Variants in NRXN3 observed in about 807,000 individuals in gnomAD.
NRXN3 encodes neurexin III.
In NRXN3, 32 loss-of-function variants were observed where a neutral mutation model predicts 137.6. That is an observed-to-expected ratio of 0.23 (90% CI 0.18 to 0.31). NRXN3 has a LOEUF of 0.31. NRXN3 is among the 10% of genes least tolerant of loss of function. The pLI, the probability that NRXN3 is intolerant of heterozygous loss-of-function variation, is 1.00. For missense variants in NRXN3, 1,574 were observed against 2,062.5 expected, an observed-to-expected ratio of 0.76 and a Z score of 4.59; for synonymous variants, 798 against 784.5, an observed-to-expected ratio of 1.02 and a Z score of -0.29.
intron 4 of NRXN3, among the ~76,000 whole-genome samples, chr14:78,304,880 C>T (rs2077207950): frequency 6.6e-6 from 1 of 152,188 alleles, no homozygotes; most frequent in Non-Finnish European, 1.5e-5. Context: ...TCACCAGATG[C>T]TCAAGAAAAG....
chr14:79,400,098 C>G (rs1014542955), intron 15 of NRXN3, among the ~76,000 whole-genome samples: 21 of 152,162 alleles, frequency 1.4e-4, no homozygotes, highest in African/African-American at 5.1e-4. Context: ...CCAATATGAC[C>G]TCATTTAAAC....
At chr14:79,550,921 A>T (rs2097367022) in intron 16 of NRXN3, among the ~76,000 whole-genome samples, 1 of 152,176 alleles carries the variant, frequency 6.6e-6, no homozygotes, top group Non-Finnish European at 1.5e-5. Context: ...GAGCACAAAT[A>T]AGTGGGATGA....
chr14:79,279,030 A>C (rs965745600), intron 15 of NRXN3, among the ~76,000 whole-genome samples: 15 of 152,180 alleles, frequency 9.9e-5, no homozygotes, highest in African/African-American at 3.4e-4. Flanking sequence ...AATTGTGAGA[A>C]GGTGCCTTCA....
At chr14:78,260,670 G>A (rs980593113) in intron 2 of NRXN3, among the ~76,000 whole-genome samples, 6 of 152,112 alleles carry the variant, frequency 3.9e-5, no homozygotes, top group South Asian at 2.1e-4. Context: ...TTTTAAAAAC[G>A]GGAGTTTCCC....
chr14:79,326,572 A>G (rs1277062198), intron 15 of NRXN3, among the ~76,000 whole-genome samples: 1 of 152,206 alleles, frequency 6.6e-6, no homozygotes. Context: ...TTTTCTCAGG[A>G]CATGACACTT....
intron 15 of NRXN3, among the ~76,000 whole-genome samples, chr14:79,320,325 T>C (rs1056183166): frequency 1.3e-5 from 2 of 152,190 alleles, no homozygotes; most frequent in Non-Finnish European, 2.9e-5. Context: ...GTGGTGGACA[T>C]TTTTCTACAG....
At chr14:79,112,833 G>A (rs2053775870) in intron 15 of NRXN3, among the ~76,000 whole-genome samples, 1 of 152,196 alleles carries the variant, frequency 6.6e-6, no homozygotes, top group Non-Finnish European at 1.5e-5. Context: ...TTTTTGATGT[G>A]AAGTGTCATA....
At chr14:78,722,439 C>G (rs917253585) in intron 8 of NRXN3, among the ~76,000 whole-genome samples, 1 of 152,194 alleles carries the variant, frequency 6.6e-6, no homozygotes, top group East Asian at 1.9e-4. Flanking sequence ...TTATGAGAAA[C>G]AAGTGCTTTG....
intron 15 of NRXN3, among the ~76,000 whole-genome samples, chr14:79,407,331 A>G (rs2095333942): frequency 6.6e-6 from 1 of 152,138 alleles, no homozygotes; most frequent in South Asian, 2.1e-4. Flanking sequence ...ATTTTGTGTT[A>G]TTCTTTCTAC....
chr14:79,242,007 C>A (rs973606827), intron 15 of NRXN3, among the ~76,000 whole-genome samples: 1 of 151,840 alleles, frequency 6.6e-6, no homozygotes, highest in Non-Finnish European at 1.5e-5. Context: ...GCAGAGGTTG[C>A]AGTGAGCAGA....
At chr14:79,322,639 G>C (rs1041299693) in intron 15 of NRXN3, among the ~76,000 whole-genome samples, 1 of 152,170 alleles carries the variant, frequency 6.6e-6, no homozygotes, top group Admixed American at 6.5e-5. Flanking sequence ...CCTGATCCTA[G>C]AGTCTATCTT....
intron 15 of NRXN3, among the ~76,000 whole-genome samples, chr14:79,002,181 G>T (rs2099542758): frequency 6.6e-6 from 1 of 152,118 alleles, no homozygotes. Flanking sequence ...GATTTCAAAT[G>T]TAAACATATT....
intron 16 of NRXN3, among the ~76,000 whole-genome samples, chr14:79,614,030 C>T (rs146243484): frequency 2.0e-5 from 3 of 152,184 alleles, no homozygotes; most frequent in African/African-American, 7.2e-5. Context: ...AATAACAATT[C>T]ATGTCCAATT....
chr14:79,623,225 G>T (rs987585571), intron 16 of NRXN3, among the ~76,000 whole-genome samples: 6 of 152,166 alleles, frequency 3.9e-5, no homozygotes, highest in Admixed American at 3.9e-4. Flanking sequence ...TGCAGAGCAG[G>T]TGTGGGCAGA....
In NRXN3 at chr14:78,784,064, G is replaced by GA. The variant is rs11288913; in HGVS notation, c.2045-19539dup. Among the ~76,000 whole-genome samples, 830 of 98,262 alleles carry GA rather than the reference G, an allele frequency of 8.4e-3. 9 individuals carry two copies. The highest frequency in any genetic ancestry group is 0.019 in the Middle Eastern group (3 of 162). 64.5% of individuals were successfully genotyped at this position (98,262 alleles called of 152,430 possible). ...CTAGAAGAAGTCAGATAACACATGA[G>GA]AAAAAAAAAAAAAAAAACAACACCA... is the stretch of plus-strand genomic sequence containing the variant. On this transcript the variant is annotated intron_variant, in intron 8 of 20. Coordinates refer to ENST00000335750, the MANE Select transcript of NRXN3 (RefSeq NM_001330195.2).
At chr14:79,204,184 C>T (rs2066464514) in intron 15 of NRXN3, among the ~76,000 whole-genome samples, 2 of 151,856 alleles carry the variant, frequency 1.3e-5, no homozygotes, top group African/African-American at 4.8e-5. Context: ...ACAAAGAGCT[C>T]CCGTCAGGTG....
intron 10 of NRXN3, among the ~76,000 whole-genome samples, chr14:78,851,928 A>G (rs2099043722): frequency 6.6e-6 from 1 of 152,302 alleles, no homozygotes; most frequent in Middle Eastern, 3.4e-3. Flanking sequence ...TTTTTAGGTT[A>G]CACTTAAAAT....
chr14:78,323,448 T>C (rs2079646863), intron 4 of NRXN3, among the ~76,000 whole-genome samples: 1 of 152,032 alleles, frequency 6.6e-6, no homozygotes, highest in African/African-American at 2.4e-5. Flanking sequence ...TGAAGGGGGA[T>C]TTAACCCCTG....
chr14:78,246,844 A>G (rs971147993), intron 2 of NRXN3, among the ~76,000 whole-genome samples: 4 of 152,222 alleles, frequency 2.6e-5, no homozygotes, highest in African/African-American at 9.7e-5. Flanking sequence ...GGTAGAGAGA[A>G]ATGCATCCAT....
Sources: allele counts gnomAD v4.1 joint callset (sites outside exome capture counted in the v4.1 genomes callset), GRCh38; gene constraint gnomAD v4.1.1; transcripts MANE v1.5; gene names NCBI Gene and HGNC (gene_info 2026-07-23, HGNC 2026-07-21).